CYB5R3: variants seen among roughly 807,000 people sequenced by gnomAD.
CYB5R3 encodes the protein NADH-cytochrome b5 reductase 3.
Under a neutral mutation model 36.5 loss-of-function variants are expected in CYB5R3, and 28 were observed. The observed-to-expected ratio is 0.77, with a 90% CI of 0.57 to 1.05. CYB5R3 has a LOEUF of 1.05. Ranked by LOEUF, CYB5R3 falls within the 50% of genes least tolerant of loss-of-function variation. CYB5R3 has a pLI of 0.00. For missense variants in CYB5R3, 474 were observed against 408.9 expected (o/e 1.16, Z -1.37); for synonymous variants, 181 against 159.8 (o/e 1.13, Z -1.00).
At chr22:42,627,508 T>C (rs1162633753) in intron 6 of CYB5R3, 97 bp downstream of exon 6, 1 of 1,469,408 alleles carries the variant, frequency 6.8e-7, no homozygotes, top group Non-Finnish European at 9.5e-7. Flanking sequence ...CCCTGACCTC[T>C]GGTAGCTCCC....
At chr22:42,637,522 A>G (rs958437261) in intron 1 of CYB5R3, among the ~76,000 whole-genome samples, 1 of 152,114 alleles carries the variant, frequency 6.6e-6, no homozygotes, top group Admixed American at 6.5e-5. Context: ...CATCAGGTGT[A>G]AGGGGAAGCG....
chr22:42,631,211 C>T (rs1928598648), intron 3 of CYB5R3, 167 bp downstream of exon 3: 1 of 784,784 alleles, frequency 1.3e-6, no homozygotes, highest in African/African-American at 1.7e-5. Context: ...TCTGGGCCTT[C>T]CCACTCTCAT....
At chr22:42,642,066 G>A (rs1929303765) in intron 1 of CYB5R3, among the ~76,000 whole-genome samples, 3 of 151,858 alleles carry the variant, frequency 2.0e-5, no homozygotes, top group Admixed American at 1.3e-4. Flanking sequence ...TAAAGCAAAT[G>A]TAGCAAATAA....
intron 1 of CYB5R3, chr22:42,639,206 C>G (rs1317342970): frequency 3.5e-6 from 1 of 287,300 alleles, no homozygotes; most frequent in East Asian, 1.2e-4. Context: ...GGCAGGCTAC[C>G]CCAGCTACTC....
chr22:42,620,713 G>A (rs941495962), intron 8 of CYB5R3, among the ~76,000 whole-genome samples: 4 of 152,096 alleles, frequency 2.6e-5, no homozygotes, highest in African/African-American at 9.7e-5. Context: ...GACGGGGAGG[G>A]GCCAAAGCAG....
chr22:42,624,435 T>G (rs1223108861), intron 7 of CYB5R3, among the ~76,000 whole-genome samples: 1 of 152,064 alleles, frequency 6.6e-6, no homozygotes, highest in African/African-American at 2.4e-5. Context: ...CCTCGGGCCT[T>G]GCCCACACCC....
chr22:42,619,699 G>A lies in CYB5R3; in HGVS notation c.*74C>T, dbSNP rs76582006. On this transcript the variant is annotated 3_prime_UTR_variant, in exon 9 of 9. Coordinates refer to ENST00000352397, the MANE Select transcript of CYB5R3 (RefSeq NM_000398.7). Reference sequence around the variant, plus strand: ...AACCCGGGGCCCCAGTGTGCGATGTGGGGAGGTGACTGGGTGAGCGTGAAC... The same window carrying A: ...AACCCGGGGCCCCAGTGTGCGATGTAGGGAGGTGACTGGGTGAGCGTGAAC... 7.6e-4 allele frequency: 1,091 copies of A among 1,441,418 alleles called. 9 individuals are homozygous for A. In the South Asian group the frequency reaches 8.1e-3, roughly 11 times the overall value. The allele number at this position is 1,441,418 out of a possible 1,614,324, so 89.3% of individuals were successfully genotyped here.
At chr22:42,642,385 T>C (rs186773301) in intron 1 of CYB5R3, among the ~76,000 whole-genome samples, 2 of 152,248 alleles carry the variant, frequency 1.3e-5, no homozygotes, top group Admixed American at 1.3e-4. Flanking sequence ...AGTTCTAGGA[T>C]TGCAGGTATA....
chr22:42,632,271 G>C (rs1248572476), intron 2 of CYB5R3: 1 of 152,370 alleles, frequency 6.6e-6, no homozygotes, highest in Non-Finnish European at 1.5e-5. Context: ...GGCCAGGAGA[G>C]GGAGTGTGAA....
chr22:42,640,350 C>T (rs1215502018), intron 1 of CYB5R3: 5 of 476,190 alleles, frequency 1.0e-5, no homozygotes, highest in South Asian at 8.3e-5. Context: ...GCGTGGTTCA[C>T]TTATTTATTT....
intron 7 of CYB5R3, among the ~76,000 whole-genome samples, chr22:42,626,799 A>G (rs1462136032): frequency 6.6e-6 from 1 of 151,098 alleles, no homozygotes; most frequent in East Asian, 2.0e-4. Context: ...GAGGGAAAGT[A>G]GCTCGTCCAA....
intron 7 of CYB5R3, among the ~76,000 whole-genome samples, chr22:42,624,675 G>A (rs1006341389): frequency 6.6e-6 from 1 of 151,580 alleles, no homozygotes; most frequent in East Asian, 2.0e-4. Context: ...GACAGAAGGG[G>A]CTCCTTAGGT....
At chr22:42,637,338 A>G (rs1928952195) in intron 1 of CYB5R3, among the ~76,000 whole-genome samples, 1 of 152,140 alleles carries the variant, frequency 6.6e-6, no homozygotes, top group Non-Finnish European at 1.5e-5. Context: ...AAAGGCCTAC[A>G]CTGACCAAAT....
At chr22:42,636,079 G>A (rs1463836014) in intron 2 of CYB5R3, among the ~76,000 whole-genome samples, 2 of 152,138 alleles carry the variant, frequency 1.3e-5, no homozygotes, top group Non-Finnish European at 2.9e-5. Context: ...GGCTGGGCGC[G>A]GTGGCTCACG....
rs759650658 is a variant in CYB5R3 at position 42,628,143 on chromosome 22, C to T, written c.463+9G>A. On this transcript the variant is annotated intron_variant, in intron 5 of 8. Coordinates refer to ENST00000352397, the MANE Select transcript of CYB5R3 (RefSeq NM_000398.7). ...TGCCGTGTAACCAAGGGATTCCGAC[C>T]CGAATCACCTTTGCCCTGGTAGACC... 5 of 1,613,956 alleles carry T rather than the reference C, an allele frequency of 3.1e-6. No individual in the cohort carries two copies. In the South Asian group the frequency reaches 3.3e-5, roughly 11 times the overall value.
At chr22:42,622,436 A>G (rs569352726) in intron 8 of CYB5R3, among the ~76,000 whole-genome samples, 33 of 152,166 alleles carry the variant, frequency 2.2e-4, no homozygotes, top group South Asian at 2.1e-3. Context: ...TGGCTTCCTG[A>G]GCATACCAGG....
intron 1 of CYB5R3, among the ~76,000 whole-genome samples, chr22:42,637,649 A>C (rs1465217458): frequency 6.6e-6 from 1 of 152,096 alleles, no homozygotes; most frequent in African/African-American, 2.4e-5. Flanking sequence ...GAGACCCTAC[A>C]GCTCAGATCA....
At chr22:42,648,518 G>A (rs1929628555) in intron 1 of CYB5R3, among the ~76,000 whole-genome samples, 1 of 152,228 alleles carries the variant, frequency 6.6e-6, no homozygotes, top group Admixed American at 6.5e-5. Flanking sequence ...CAGCAGAGTG[G>A]ACTTTGAAAC....
chr22:42,634,739 C>T (rs1928797737), intron 2 of CYB5R3, among the ~76,000 whole-genome samples: 2 of 130,718 alleles, frequency 1.5e-5, no homozygotes, highest in Admixed American at 1.5e-4. Flanking sequence ...CATTCTCCTG[C>T]TTCAGCCTCT....
Sources: allele counts gnomAD v4.1 joint callset (sites outside exome capture counted in the v4.1 genomes callset), GRCh38; gene constraint gnomAD v4.1.1; transcripts MANE v1.5; gene names NCBI Gene and HGNC (gene_info 2026-07-23, HGNC 2026-07-21).